PRKN: variants seen among roughly 807,000 people sequenced by gnomAD.
PRKN encodes E3 ubiquitin-protein ligase parkin.
Under a neutral mutation model 59.5 loss-of-function variants are expected in PRKN, and 56 were observed. That is an observed-to-expected ratio of 0.94 (90% confidence interval 0.76 to 1.18). The LOEUF is 1.18. Among genes scored for constraint, PRKN ranks in the 50% most tolerant of loss-of-function variants. The probability of loss-of-function intolerance (pLI) is 0.00; values close to 1 mark genes in which losing one functional copy is unlikely to be tolerated. For missense variants in PRKN, 657 were observed against 596.4 expected (o/e 1.10, Z -1.06); for synonymous variants, 250 against 222.1 (o/e 1.13, Z -1.12).
chr6:162,638,267 TGA>T (rs1777818012), intron 1 of PRKN, among the ~76,000 whole-genome samples: 1 of 152,170 alleles, frequency 6.6e-6, no homozygotes, highest in Non-Finnish European at 1.5e-5. Context: ...CCTGTTTTCT[TGA>T]CGTACAGAAT....
intron 1 of PRKN, among the ~76,000 whole-genome samples, chr6:162,685,316 T>A (rs1218915929): frequency 6.6e-6 from 1 of 152,200 alleles, no homozygotes; most frequent in Non-Finnish European, 1.5e-5. Flanking sequence ...AGATATACTG[T>A]GTTTTAAAAC....
chr6:162,147,922 T>C (rs1035109825), intron 4 of PRKN, among the ~76,000 whole-genome samples: 19 of 152,152 alleles, frequency 1.2e-4, no homozygotes, highest in Non-Finnish European at 2.4e-4. Context: ...TAGACAGTCA[T>C]GAACAGCATA....
At chr6:162,074,535 C>T (rs1422706001) in intron 4 of PRKN, among the ~76,000 whole-genome samples, 10 of 151,376 alleles carry the variant, frequency 6.6e-5, no homozygotes, top group South Asian at 4.2e-4. Context: ...TGCTAGATGA[C>T]GAGTTAGTGG....
intron 7 of PRKN, among the ~76,000 whole-genome samples, chr6:161,740,835 A>C (rs1381635881): frequency 6.6e-6 from 1 of 152,224 alleles, no homozygotes; most frequent in Non-Finnish European, 1.5e-5. Flanking sequence ...CTATCAAAAA[A>C]CAAACAGTAG....
intron 7 of PRKN, among the ~76,000 whole-genome samples, chr6:161,626,233 C>T (rs1783083177): frequency 6.6e-6 from 1 of 152,168 alleles, no homozygotes; most frequent in South Asian, 2.1e-4. Context: ...AACCAGCTTA[C>T]TGGCTGTGCG....
chr6:162,485,440 T>G (rs181334235), intron 1 of PRKN, among the ~76,000 whole-genome samples: 11 of 152,334 alleles, frequency 7.2e-5, no homozygotes, highest in Admixed American at 3.3e-4. Flanking sequence ...ACTAATGACT[T>G]ATAAAATAGG....
chr6:162,507,446 C>T lies in PRKN; in HGVS notation c.8-63973G>A, dbSNP rs80011308. On this transcript the variant is annotated intron_variant, in intron 1 of 11. Transcript: ENST00000366898. ...AAAGAAAAAAAATTATATATATATA[C>T]GCATATTCCTTAAGGTTAAAAATAC... Among the ~76,000 whole-genome samples the T allele has an allele frequency of 5.4e-3, 821 of 152,072 alleles. 12 individuals are homozygous for T. The highest frequency in any genetic ancestry group is 0.019 in the African/African-American group (784 of 41,486).
chr6:162,626,220 T>G (rs975641806), intron 1 of PRKN, among the ~76,000 whole-genome samples: 3 of 152,216 alleles, frequency 2.0e-5, no homozygotes, highest in African/African-American at 7.2e-5. Flanking sequence ...CACTGTTATG[T>G]TCTTTCATGA....
At chr6:162,698,111 T>C (rs1190121974) in intron 1 of PRKN, among the ~76,000 whole-genome samples, 3 of 152,240 alleles carry the variant, frequency 2.0e-5, no homozygotes, top group Non-Finnish European at 4.4e-5. Flanking sequence ...GATCTCCTCC[T>C]GCCTGAAGAT....
At chr6:161,585,634 G>T (rs1441199161) in intron 7 of PRKN, among the ~76,000 whole-genome samples, 1 of 152,182 alleles carries the variant, frequency 6.6e-6, no homozygotes, top group African/African-American at 2.4e-5. Flanking sequence ...CCCTGGAGTG[G>T]ATGTATGTAG....
Position 161,553,847 on chromosome 6 carries a change from T to C in PRKN, c.934-4844A>G, listed in dbSNP as rs577301977. ...AATGGCAATCCTATCAAGATGAGTT[T>C]CCATAACATGATCCTGACACCATTC... On this transcript the variant is annotated intron_variant, in intron 8 of 11. Coordinates refer to ENST00000366898, the MANE Select transcript of PRKN (RefSeq NM_004562.3). 4.4e-4 allele frequency among the ~76,000 whole-genome samples: 67 copies of C among 152,338 alleles called. 2 individuals carry two copies. In the South Asian group the frequency reaches 0.011, roughly 24 times the overall value.
At chr6:162,530,533 A>G (rs1214723320) in intron 1 of PRKN, among the ~76,000 whole-genome samples, 7 of 152,150 alleles carry the variant, frequency 4.6e-5, no homozygotes. Context: ...TTAAATCTCC[A>G]GTCTCAGTTT....
At chr6:161,986,285 G>A (rs916025462) in intron 5 of PRKN, among the ~76,000 whole-genome samples, 2 of 152,324 alleles carry the variant, frequency 1.3e-5, no homozygotes, top group African/African-American at 4.8e-5. Flanking sequence ...TCACAGAGCT[G>A]TAACACCACC....
chr6:161,879,279 A>G (rs1794842525), intron 6 of PRKN, among the ~76,000 whole-genome samples: 1 of 151,450 alleles, frequency 6.6e-6, no homozygotes, highest in Admixed American at 6.6e-5. Flanking sequence ...GCAAATGATT[A>G]CCAAGTGTAT....
intron 3 of PRKN, among the ~76,000 whole-genome samples, chr6:162,236,069 C>T (rs1778697192): frequency 6.6e-6 from 1 of 152,024 alleles, no homozygotes; most frequent in African/African-American, 2.4e-5. Flanking sequence ...CTGCCAGGTC[C>T]CCCTTTCCCC....
At chr6:162,625,922 C>T (rs1166068826) in intron 1 of PRKN, among the ~76,000 whole-genome samples, 1 of 152,204 alleles carries the variant, frequency 6.6e-6, no homozygotes, top group East Asian at 1.9e-4. Flanking sequence ...GCAAGAAAGA[C>T]TTCAGTCTGC....
chr6:162,250,508 C>T (rs976485485), intron 3 of PRKN, among the ~76,000 whole-genome samples: 2 of 152,166 alleles, frequency 1.3e-5, no homozygotes, highest in African/African-American at 4.8e-5. Flanking sequence ...AATGAGTAAC[C>T]ATCCCCCAGA....
intron 2 of PRKN, among the ~76,000 whole-genome samples, chr6:162,335,095 C>A (rs920273391): frequency 3.3e-5 from 5 of 152,122 alleles, no homozygotes; most frequent in Non-Finnish European, 5.9e-5. Context: ...CTCACTGTAA[C>A]CTCCGCCTCC....
intron 1 of PRKN, chr6:162,727,034 C>T (rs1779251802): frequency 6.6e-6 from 1 of 151,820 alleles, no homozygotes. Flanking sequence ...TTGCAAAAGG[C>T]AATAGATTTA....
Sources: gnomAD v4.1 joint callset for allele counts (sites outside exome capture counted in the v4.1 genomes callset) on GRCh38, gnomAD v4.1.1 for gene constraint, MANE v1.5 for transcripts, NCBI Gene and HGNC (gene_info 2026-07-23, HGNC 2026-07-21) for gene names.